PDIA4: variants seen among roughly 807,000 people sequenced by gnomAD.
The protein encoded by PDIA4 is protein disulfide-isomerase A4.
In PDIA4, 33 loss-of-function variants were observed where a neutral mutation model predicts 62.1. The observed-to-expected ratio is 0.53, with a 90% confidence interval of 0.40 to 0.71. PDIA4 has a LOEUF of 0.71. Ranked by LOEUF, PDIA4 falls within the 30% of genes least tolerant of loss-of-function variation. The pLI, the probability that PDIA4 is intolerant of heterozygous loss-of-function variation, is 0.00. For synonymous variants in PDIA4, 341 were observed against 324.1 expected, an observed-to-expected ratio of 1.05 and a Z score of -0.56; for missense variants, 804 against 813.6, an observed-to-expected ratio of 0.99 and a Z score of 0.14.
intron 6 of PDIA4, among the ~76,000 whole-genome samples, chr7:149,009,385 G>C (rs1015612273): frequency 6.6e-6 from 1 of 152,222 alleles, no homozygotes; most frequent in African/African-American, 2.4e-5. Flanking sequence ...TCTATAAGCA[G>C]CACTGATTCT....
intron 3 of PDIA4, among the ~76,000 whole-genome samples, chr7:149,016,482 T>C (rs1406776333): frequency 1.3e-5 from 2 of 151,544 alleles, no homozygotes; most frequent in Non-Finnish European, 2.9e-5. Flanking sequence ...CTTTTATGCA[T>C]ACAAAATATC....
At position 149,003,502 on chromosome 7, in the gene PDIA4, A is replaced by T. The variant is rs1236835201; in HGVS notation, c.*292T>A. ...AAAAGAAAACATTTTCACACAGAAG[A>T]ATTATCTGCTTTGAGAAATAAAGAA... On this transcript the variant is annotated 3_prime_UTR_variant, in exon 10 of 10. Coordinates refer to ENST00000652332, the MANE Select transcript of PDIA4 (RefSeq NM_004911.5). 2.0e-5 allele frequency: 6 copies of T among 297,622 alleles called. No homozygotes were observed. The East Asian group carries it at 3.4e-4, about 17-fold the overall frequency. The allele number at this position is 297,622 out of a possible 1,614,324, so 18.4% of individuals were successfully genotyped here.
chr7:149,010,870 T>C (rs1040750698), intron 6 of PDIA4, among the ~76,000 whole-genome samples: 2 of 152,180 alleles, frequency 1.3e-5, no homozygotes, highest in African/African-American at 4.8e-5. Flanking sequence ...CCCTGGGGAT[T>C]TGCATGCACA....
intron 2 of PDIA4, among the ~76,000 whole-genome samples, 196 bp from the exon 3 acceptor site, chr7:149,019,393 T>C (rs75988118): frequency 0.011 from 1,651 of 152,262 alleles, 23 homozygotes; most frequent in East Asian, 0.073. Context: ...CCCTCATGAA[T>C]AGGCAAATGC....
At chr7:149,015,104 T>G (rs1228537132) in intron 3 of PDIA4, 62 bp from the exon 4 acceptor site, 3 of 1,561,324 alleles carry the variant, frequency 1.9e-6, no homozygotes, top group Non-Finnish European at 2.6e-6. Flanking sequence ...TTCACCTCCC[T>G]CCAGAAGCAG....
chr7:149,006,006 G>A lies in PDIA4; in HGVS notation c.1179C>T (p.Ala393=), dbSNP rs1563119060. Residue 393 remains alanine, a synonymous_variant, in exon 8 of 10, where the codon GCC becomes GCT. Coordinates refer to ENST00000652332, the MANE Select transcript of PDIA4 (RefSeq NM_004911.5). ...CCTTGCGGTGGCCAACCAGGGGCAG[G>A]GCGTACTTCAGCACGAAGTCCTTGA... ...SAIKDFVLKY[A]LPLVGHRKVS... is the part of the protein sequence containing the mutation. The A allele has an allele frequency of 1.3e-6, 2 of 1,553,748 alleles. No individual in the cohort carries two copies. The highest frequency in any genetic ancestry group is 1.7e-6 in the Non-Finnish European group (2 of 1,157,792).
chr7:149,005,815 C>T, intron 8 of PDIA4, 82 bp downstream of exon 8: 2 of 1,154,770 alleles, frequency 1.7e-6, no homozygotes, highest in South Asian at 3.4e-5. Flanking sequence ...TACAGCCACA[C>T]CTCCCCTCAA....
intron 1 of PDIA4, 21 bp downstream of exon 1, chr7:149,028,300 C>CGCG (rs1563126114): frequency 6.6e-7 from 1 of 1,507,196 alleles, no homozygotes; most frequent in Admixed American, 2.0e-5. Flanking sequence ...CAGCCCGACC[C>CGCG]GCGGCGCGCT....
At chr7:149,025,208 G>A (rs1824510663) in intron 1 of PDIA4, among the ~76,000 whole-genome samples, 1 of 151,590 alleles carries the variant, frequency 6.6e-6, no homozygotes, top group Non-Finnish European at 1.5e-5. Context: ...CAGCCCACAT[G>A]CTAAGGCCTC....
rs1823642180 is a variant in PDIA4, at chr7:149,003,950, G to T, written c.1782C>A (p.Arg594=). ...DATANDVPSD[R]YKVEGFPTIY... ...TGGTGGGGAAGCCCTCCACCTTATA[G>T]CGGTCGCTGGGGACGTCGTTGGCAG... Residue 594 remains arginine (R), a synonymous_variant, in exon 10 of 10, where the codon CGC becomes CGA. Coordinates refer to ENST00000652332, the MANE Select transcript of PDIA4 (RefSeq NM_004911.5). 1 of 1,613,604 alleles carries T rather than the reference G, an allele frequency of 6.2e-7. No individual in the cohort carries two copies. The highest frequency in any genetic ancestry group is 2.2e-5 in the East Asian group (1 of 44,858).
At chr7:149,020,095 G>T (rs1399537071) in intron 2 of PDIA4, among the ~76,000 whole-genome samples, 1 of 152,088 alleles carries the variant, frequency 6.6e-6, no homozygotes, top group Non-Finnish European at 1.5e-5. Context: ...CGAATAGCCG[G>T]GACTACAGGT....
chr7:149,011,355 G>A (rs1271936359), intron 6 of PDIA4, among the ~76,000 whole-genome samples: 1 of 152,156 alleles, frequency 6.6e-6, no homozygotes, highest in Admixed American at 6.6e-5. Context: ...TCACTCCTCA[G>A]GCTAGCAAGA....
intron 9 of PDIA4, 104 bp downstream of exon 9, chr7:149,005,037 G>T: frequency 1.2e-6 from 1 of 820,142 alleles, no homozygotes; most frequent in African/African-American, 1.7e-5. Context: ...ACTTAAGGGG[G>T]TGTCGTGCCC....
At position 149,003,499 on chromosome 7, in the gene PDIA4, A is replaced by G. The variant is rs923736442; in HGVS notation, c.*295T>C. 7 of 290,820 alleles carry G rather than the reference A, an allele frequency of 2.4e-5. No individual in the cohort carries two copies. Among genetic ancestry groups the G allele is most frequent in the African/African-American group, 4.3e-5 (2 of 46,342 alleles). 18.0% of individuals were successfully genotyped at this position (290,820 alleles called of 1,614,324 possible). ...AAAAAAAGAAAACATTTTCACACAG[A>G]AGAATTATCTGCTTTGAGAAATAAA... On this transcript the variant is annotated 3_prime_UTR_variant, in exon 10 of 10. Coordinates refer to ENST00000652332, the MANE Select transcript of PDIA4 (RefSeq NM_004911.5).
chr7:149,004,175 C>G lies in PDIA4; in HGVS notation c.1557G>C (p.Val519=). Residue 519 remains valine, a synonymous_variant, in exon 10 of 10, where the codon GTG becomes GTC. Coordinates refer to ENST00000652332, the MANE Select transcript of PDIA4 (RefSeq NM_004911.5). The stretch of plus-strand genomic sequence containing the variant: ...TGACGGGTCCCTTGTTGTTCTTGGG[C>G]ACTGGCTGGGATTTGATGACTGGCT... The part of the protein sequence containing the change: ...KLKPVIKSQP[V]PKNNKGPVKV... 2 of 1,613,558 alleles carry G rather than the reference C, an allele frequency of 1.2e-6. No individual in the cohort carries two copies. Among genetic ancestry groups the G allele is most frequent in the Non-Finnish European group, 1.7e-6 (2 of 1,179,724 alleles).
chr7:149,018,167 T>C (rs1357990927), intron 3 of PDIA4, among the ~76,000 whole-genome samples: 2 of 151,834 alleles, frequency 1.3e-5, no homozygotes, highest in Non-Finnish European at 2.9e-5. Context: ...AGGCGGAGGT[T>C]GCAGTGAGCT....
intron 7 of PDIA4, among the ~76,000 whole-genome samples, chr7:149,006,873 C>A (rs1284930563): frequency 6.6e-6 from 1 of 152,178 alleles, no homozygotes; most frequent in Non-Finnish European, 1.5e-5. Flanking sequence ...CAGGGAAACG[C>A]CAGAAGAACT....
At chr7:149,018,122 AG>A (rs1392331761) in intron 3 of PDIA4, among the ~76,000 whole-genome samples, 1 of 151,942 alleles carries the variant, frequency 6.6e-6, no homozygotes, top group Non-Finnish European at 1.5e-5. Context: ...CCAGCTACTC[AG>A]GAGCCTGAGG....
At chr7:149,022,652 T>C (rs1439771976) in intron 1 of PDIA4, among the ~76,000 whole-genome samples, 1 of 152,092 alleles carries the variant, frequency 6.6e-6, no homozygotes, top group African/African-American at 2.4e-5. Context: ...AACCTGCCCC[T>C]GGGATCCCAG....
Sources: allele counts gnomAD v4.1 joint callset (sites outside exome capture counted in the v4.1 genomes callset), GRCh38; gene constraint gnomAD v4.1.1; transcripts MANE v1.5; gene names NCBI Gene and HGNC (gene_info 2026-07-23, HGNC 2026-07-21).